The following ACACB variants were observed in gnomAD, a reference collection of about 807,000 sequenced individuals.
The protein encoded by ACACB is acetyl-CoA carboxylase beta.
A neutral mutation model predicts 278.8 loss-of-function variants in ACACB; 209 were observed. The observed-to-expected ratio is 0.75, with a 90% CI of 0.67 to 0.84. ACACB has a LOEUF of 0.84. Ranked by LOEUF, ACACB falls within the 40% of genes least tolerant of loss-of-function variation. The pLI is 0.00. For synonymous variants in ACACB, 1,174 were observed against 1,285.6 expected, an observed-to-expected ratio of 0.91 and a Z score of 1.86; for missense variants, 2,850 against 3,269.0, an observed-to-expected ratio of 0.87 and a Z score of 3.13.
At chr12:109,118,489 C>T (rs1007273087) in intron 1 of ACACB, among the ~76,000 whole-genome samples, 44 of 150,648 alleles carry the variant, frequency 2.9e-4, no homozygotes, top group African/African-American at 1.0e-3. Context: ...TCTCAGCTCA[C>T]TGCAACCCCT....
At chr12:109,213,606 T>C (rs1490121035) in intron 22 of ACACB, among the ~76,000 whole-genome samples, 1 of 152,060 alleles carries the variant, frequency 6.6e-6, no homozygotes, top group Non-Finnish European at 1.5e-5. Flanking sequence ...ATTTTCTTTG[T>C]TTTTTTGAGA....
At chr12:109,258,136 G>A in intron 45 of ACACB, 132 bp from the exon 46 acceptor site, 1 of 659,730 alleles carries the variant, frequency 1.5e-6, no homozygotes, top group Non-Finnish European at 2.6e-6. Flanking sequence ...CTTTTTCTTT[G>A]CCTTCCAATA....
intron 28 of ACACB, among the ~76,000 whole-genome samples, chr12:109,230,783 C>A (rs193255276): frequency 1.3e-5 from 2 of 152,132 alleles, no homozygotes; most frequent in East Asian, 1.9e-4. Flanking sequence ...AAGGGAAGGG[C>A]GGCTCTCCTG....
chr12:109,258,253 G>A lies in ACACB; in HGVS notation c.6264-15G>A. The A allele has an allele frequency of 1.2e-6, 2 of 1,607,780 alleles. No homozygotes were observed. Among genetic ancestry groups the A allele is most frequent in the Middle Eastern group, 1.7e-4 (1 of 6,008 alleles). On this transcript the variant is annotated splice_polypyrimidine_tract_variant and intron_variant, in intron 45 of 52. Coordinates refer to ENST00000338432, the MANE Select transcript of ACACB (RefSeq NM_001093.4). The stretch of plus-strand genomic sequence containing the variant: ...GTGCTGCCCAGGGCCTGGCTCACTG[G>A]TGCTCATTTTCCAGGCTTGGGGGGA...
intron 2 of ACACB, among the ~76,000 whole-genome samples, chr12:109,166,498 T>C (rs2043898629): frequency 6.6e-6 from 1 of 151,400 alleles, no homozygotes; most frequent in Non-Finnish European, 1.5e-5. Flanking sequence ...CTGGGCAACA[T>C]AGTGAGACCC....
At chr12:109,217,036 C>G (rs2046023017) in intron 24 of ACACB, 116 bp downstream of exon 24, 1 of 1,332,792 alleles carries the variant, frequency 7.5e-7, no homozygotes, top group Non-Finnish European at 1.0e-6. Flanking sequence ...AATCCCATCA[C>G]TTTGGGAGGC....
intron 21 of ACACB, among the ~76,000 whole-genome samples, chr12:109,212,607 T>C (rs1371367963): frequency 1.3e-5 from 2 of 152,094 alleles, no homozygotes; most frequent in African/African-American, 2.4e-5. Context: ...CTCCCGCTGA[T>C]CTGACAGGAG....
intron 43 of ACACB, 70 bp downstream of exon 43, chr12:109,253,228 G>C (rs2047143240): frequency 1.4e-6 from 2 of 1,430,568 alleles, no homozygotes. Context: ...TTCTGTCCCT[G>C]TCACCTCCTG....
chr12:109,237,637 T>C (rs1434117701), intron 34 of ACACB, among the ~76,000 whole-genome samples: 4 of 152,140 alleles, frequency 2.6e-5, no homozygotes, highest in African/African-American at 9.7e-5. Flanking sequence ...ATTTCCAGGA[T>C]AGAAAAATAC....
Position 109,262,414 on chromosome 12 carries a change from G to A in ACACB, c.6732G>A (p.Leu2244=). The A allele has an allele frequency of 1.9e-6, 3 of 1,613,836 alleles. No individual in the cohort carries two copies. The highest frequency in any genetic ancestry group is 1.3e-5 in the African/African-American group (1 of 75,006). Residue 2244 remains leucine (L), a synonymous_variant, in exon 49 of 53, where the codon CTG becomes CTA. Transcript: ENST00000338432. ...TVEIKFRKKD[L]IKSMRRIDPA... is the part of the protein sequence containing the mutation. ...AGATTAAGTTCCGAAAGAAAGATCTGATAAAGTCCATGAGAAGGATCGATC... is the reference window on the plus strand; with the variant it reads ...AGATTAAGTTCCGAAAGAAAGATCTAATAAAGTCCATGAGAAGGATCGATC...
chr12:109,152,542 T>A (rs1386305550), intron 2 of ACACB, among the ~76,000 whole-genome samples: 3 of 152,010 alleles, frequency 2.0e-5, no homozygotes, highest in African/African-American at 7.3e-5. Flanking sequence ...CTGTCAGGCA[T>A]GGCTGCTTAA....
chr12:109,183,829 G>A (rs563529938), intron 11 of ACACB, among the ~76,000 whole-genome samples: 5 of 151,666 alleles, frequency 3.3e-5, no homozygotes, highest in Non-Finnish European at 5.9e-5. Context: ...TTCCCATAAT[G>A]GGGTCTCATT....
chr12:109,126,568 C>A (rs1043523886), intron 1 of ACACB, among the ~76,000 whole-genome samples: 2 of 152,098 alleles, frequency 1.3e-5, no homozygotes, highest in East Asian at 3.8e-4. Context: ...CCTGTAGTCC[C>A]AGCTATTTGG....
At chr12:109,143,919 C>T (rs1190065520) in intron 2 of ACACB, among the ~76,000 whole-genome samples, 1 of 152,106 alleles carries the variant, frequency 6.6e-6, no homozygotes, top group African/African-American at 2.4e-5. Flanking sequence ...GTGACTCACG[C>T]GTTTGGGGAG....
At chr12:109,174,339 G>T in intron 7 of ACACB, 109 bp downstream of exon 7, 5 of 814,970 alleles carry the variant, frequency 6.1e-6, no homozygotes, top group African/African-American at 1.8e-5. Context: ...CATTACAAAT[G>T]TTACTTACTT....
chr12:109,227,344 A>G (rs915839588), intron 27 of ACACB, 27 bp from the exon 28 acceptor site: 5 of 1,594,904 alleles, frequency 3.1e-6, no homozygotes, highest in African/African-American at 1.3e-5. Context: ...CCCCTGAGAG[A>G]ATGTCCGTGT....
At position 109,264,374 on chromosome 12, in the gene ACACB, G is replaced by T. The variant is rs1432844241; in HGVS notation, c.6930G>T (p.Lys2310Asn). 6.2e-7 allele frequency: 1 copy of T among 1,614,086 alleles called. No individual in the cohort carries two copies. The highest frequency in any genetic ancestry group is 1.1e-5 in the South Asian group (1 of 91,068). Residue 2310 changes from lysine (K) to asparagine (N), a missense_variant, in exon 50 of 53, where the codon AAG becomes AAT. Transcript: ENST00000338432. ...FHDTPGRMLE[K>N]GVISDILEWK... ...ACACACCCGGCCGGATGCTGGAGAA[G>T]GGCGTCATATCTGTGAGAGCCACAG...
chr12:109,152,307 G>A (rs546651578), intron 2 of ACACB, among the ~76,000 whole-genome samples: 4 of 152,280 alleles, frequency 2.6e-5, no homozygotes, highest in African/African-American at 9.6e-5. Flanking sequence ...TTTTGAGGTG[G>A]TTACATTTAC....
At position 109,167,896 on chromosome 12, in the gene ACACB, G is replaced by T; in HGVS notation, c.787G>T (p.Val263Leu). 2 of 1,613,876 alleles carry T rather than the reference G, an allele frequency of 1.2e-6. No individual in the cohort carries two copies. The highest frequency in any genetic ancestry group is 1.7e-6 in the Non-Finnish European group (2 of 1,179,956). ...RFGGDRVIEK[V>L]LIANNGIAAV... ...GCTCCTTCCTTGTCTTCCCATGCAG[G>T]TGCTTATTGCCAACAACGGGATTGC... Residue 263 changes from valine to leucine, a missense_variant and splice_region_variant, in exon 4 of 53, where the codon GTG becomes TTG. By Grantham distance (32) the Val-to-Leu change is conservative (BLOSUM62 1). Around this residue, in one of 3 missense-constraint regions of ACACB, gnomAD observed 2,265 missense variants for 2,561.3 expected, o/e 0.88. Coordinates refer to ENST00000338432, the MANE Select transcript of ACACB (RefSeq NM_001093.4).
Sources: gnomAD v4.1 joint callset for allele counts (sites outside exome capture counted in the v4.1 genomes callset) on GRCh38, gnomAD v4.1.1 for gene constraint, gnomAD v4.1.1 regional missense constraint, MANE v1.5 for transcripts, NCBI Gene and HGNC (gene_info 2026-07-23, HGNC 2026-07-21) for gene names.